CABIN1: variants seen among roughly 807,000 people sequenced by gnomAD.
CABIN1 encodes calcineurin binding protein 1, also known as calcineurin-binding protein cabin-1.
Under a neutral mutation model 227.7 loss-of-function variants are expected in CABIN1, and 133 were observed. That is an observed-to-expected ratio of 0.58 (90% confidence interval 0.51 to 0.67). The LOEUF (loss-of-function observed/expected upper bound fraction) is 0.67, where lower values mean the gene tolerates loss of function less well. Ranked by LOEUF, CABIN1 falls within the 30% of genes least tolerant of loss-of-function variation. The probability of loss-of-function intolerance (pLI) is 0.00; values close to 1 mark genes in which losing one functional copy is unlikely to be tolerated. For synonymous variants in CABIN1, 1,086 were observed against 1,155.1 expected, an observed-to-expected ratio of 0.94 and a Z score of 1.21; for missense variants, 2,408 against 2,852.5, an observed-to-expected ratio of 0.84 and a Z score of 3.55.
Position 24,160,243 on chromosome 22 carries a change from G to A in CABIN1, c.4747-4157G>A, listed in dbSNP as rs554547612. On this transcript the variant is annotated intron_variant, in intron 29 of 36. Transcript: ENST00000263119. ...CCCACACCTGACCCTCGTCCACTCT[G>A]TGACAAGCTCGTGCCTTGGGTCTGA... 6 of 152,370 alleles carry A rather than the reference G, an allele frequency of 3.9e-5. No homozygotes were observed. The East Asian group carries it at 1.2e-3, about 29-fold the overall frequency. 9.4% of individuals were successfully genotyped at this position (152,370 alleles called of 1,614,324 possible). A position where few individuals can be genotyped will look rare whatever the true frequency, so the allele number is the denominator to read the frequency against.
chr22:24,113,429 C>T (rs2042912248), intron 26 of CABIN1, 137 bp from the exon 27 acceptor site: 14 of 833,644 alleles, frequency 1.7e-5, no homozygotes, highest in Non-Finnish European at 2.5e-5. Context: ...CCAGCAGTGT[C>T]GAATGGCTGT....
chr22:24,166,848 C>T lies in CABIN1; in HGVS notation c.5217C>T (p.Asp1739=), dbSNP rs199957763. ...NHRPVAMDAG[D]SADQSGERKD... ...GGCCTGTGGCCATGGATGCAGGAGA[C>T]AGTGCAGACCAAAGCGGGGAGCGGA... The change falls in exon 32 of 37, where the codon GAC becomes GAT. Residue 1739 remains aspartate (D), a synonymous_variant. Transcript: ENST00000263119. 3.6e-4 allele frequency: 575 copies of T among 1,612,896 alleles called. 6 individuals carry two copies. The South Asian group carries it at 6.1e-3, about 17-fold the overall frequency.
chr22:24,124,215 T>C (rs536138502), intron 28 of CABIN1, among the ~76,000 whole-genome samples: 34 of 152,370 alleles, frequency 2.2e-4, no homozygotes, highest in African/African-American at 7.9e-4. Flanking sequence ...ATTGTGTTAA[T>C]GAGGTGAGGG....
intron 16 of CABIN1, among the ~76,000 whole-genome samples, chr22:24,069,271 T>G (rs1316212048): frequency 6.6e-6 from 1 of 152,356 alleles, no homozygotes; most frequent in East Asian, 1.9e-4. Flanking sequence ...CATGTATTCC[T>G]ACGTTGCTGG....
chr22:24,061,355 G>A (rs1450132165), intron 12 of CABIN1, among the ~76,000 whole-genome samples: 2 of 152,242 alleles, frequency 1.3e-5, no homozygotes, highest in South Asian at 4.1e-4. Flanking sequence ...TGACTTGAGA[G>A]CACAGGAGGT....
chr22:24,033,429 G>A (rs756894453), intron 1 of CABIN1, among the ~76,000 whole-genome samples: 3 of 152,194 alleles, frequency 2.0e-5, no homozygotes, highest in Non-Finnish European at 4.4e-5. Flanking sequence ...CTCCACAAGT[G>A]CTGGGATTAC....
At chr22:24,119,876 A>T (rs1477854823) in intron 28 of CABIN1, among the ~76,000 whole-genome samples, 178 bp downstream of exon 28, 1 of 152,198 alleles carries the variant, frequency 6.6e-6, no homozygotes, top group African/African-American at 2.4e-5. Context: ...CTTGCCAGGG[A>T]ACCTGGTGGT....
chr22:24,051,915 T>G (rs1164700441), intron 8 of CABIN1, among the ~76,000 whole-genome samples: 2 of 152,110 alleles, frequency 1.3e-5, no homozygotes, highest in African/African-American at 4.8e-5. Flanking sequence ...ATGTAGAATT[T>G]CCCAGAAATA....
At chr22:24,142,073 G>T (rs2283808) in intron 29 of CABIN1, among the ~76,000 whole-genome samples, 19,304 of 152,004 alleles carry the variant, frequency 0.13, 1,491 homozygotes, top group East Asian at 0.3. Flanking sequence ...ACTTTAATTC[G>T]CCACCAGTTG....
intron 29 of CABIN1, among the ~76,000 whole-genome samples, chr22:24,163,870 G>C (rs2046297410): frequency 6.6e-6 from 1 of 152,224 alleles, no homozygotes; most frequent in African/African-American, 2.4e-5. Context: ...GAGTGGGGTA[G>C]GATGGCAAGA....
chr22:24,015,952 G>A (rs1046868655), intron 1 of CABIN1, among the ~76,000 whole-genome samples: 2 of 152,044 alleles, frequency 1.3e-5, no homozygotes, highest in Admixed American at 1.3e-4. Flanking sequence ...GGCGAGACCC[G>A]GTCTCAAGAA....
chr22:24,150,032 G>A (rs912379375), intron 29 of CABIN1, among the ~76,000 whole-genome samples: 7 of 152,232 alleles, frequency 4.6e-5, no homozygotes, highest in Admixed American at 3.3e-4. Context: ...AAGAGGCTGC[G>A]TTGTGGAGGC....
intron 11 of CABIN1, among the ~76,000 whole-genome samples, 165 bp downstream of exon 11, chr22:24,059,528 G>T (rs1399692721): frequency 6.6e-6 from 1 of 152,186 alleles, no homozygotes; most frequent in Non-Finnish European, 1.5e-5. Flanking sequence ...CAGCTTGGAG[G>T]TCTTCTGAAA....
chr22:24,128,017 C>G (rs1380545083), intron 28 of CABIN1, among the ~76,000 whole-genome samples: 1 of 152,144 alleles, frequency 6.6e-6, no homozygotes, highest in East Asian at 1.9e-4. Flanking sequence ...CAGTAGCCTT[C>G]CTCTAGCTGT....
intron 28 of CABIN1, 45 bp from the exon 29 acceptor site, chr22:24,134,257 G>A (rs2044253556): frequency 1.4e-6 from 2 of 1,479,336 alleles, no homozygotes; most frequent in Admixed American, 1.8e-5. Flanking sequence ...TGGGCGCCCT[G>A]AGCAGCCCAC....
At chr22:24,128,831 C>T (rs1428782021) in intron 28 of CABIN1, among the ~76,000 whole-genome samples, 1 of 152,226 alleles carries the variant, frequency 6.6e-6, no homozygotes, top group African/African-American at 2.4e-5. Context: ...GATAGGCTGG[C>T]ACTGCTCCAG....
In CABIN1 at chr22:24,178,519, C is replaced by G. The variant is rs953392368; in HGVS notation, c.*323C>G. The G allele has an allele frequency of 5.1e-6, 2 of 390,846 alleles. No individual in the cohort carries two copies. The highest frequency in any genetic ancestry group is 9.7e-6 in the Non-Finnish European group (2 of 205,662). The allele number at this position is 390,846 out of a possible 1,614,324, so 24.2% of individuals were successfully genotyped here. ...CACCCAGCTGGCCATATCCACCCCT[C>G]GACGCCGGGATGAGCCGGCTCTGCC... On this transcript the variant is annotated 3_prime_UTR_variant, in exon 37 of 37. Transcript: ENST00000263119.
intron 19 of CABIN1, among the ~76,000 whole-genome samples, chr22:24,077,475 C>A (rs924468348): frequency 2.6e-5 from 4 of 152,192 alleles, no homozygotes; most frequent in Non-Finnish European, 4.4e-5. Flanking sequence ...CCAGGAGACC[C>A]ATCTGGCCCA....
At chr22:24,172,645 C>T (rs2046884397) in intron 34 of CABIN1, among the ~76,000 whole-genome samples, 1 of 152,208 alleles carries the variant, frequency 6.6e-6, no homozygotes, top group African/African-American at 2.4e-5. Context: ...GCTCCTGTTC[C>T]TTCTAAAACC....
Sources: gnomAD v4.1 joint callset for allele counts (sites outside exome capture counted in the v4.1 genomes callset) on GRCh38, gnomAD v4.1.1 for gene constraint, MANE v1.5 for transcripts, NCBI Gene and HGNC (gene_info 2026-07-23, HGNC 2026-07-21) for gene names.